Variants in TOX observed in about 807,000 individuals in gnomAD.
TOX encodes thymocyte selection-associated high mobility group box protein TOX.
TOX carries 11 observed loss-of-function variants against 53.7 expected under a neutral mutation model. The ratio of observed to expected loss-of-function variants is 0.20; its 90% CI spans 0.13 to 0.34. TOX has a LOEUF of 0.34. Ranked by LOEUF, TOX falls within the 10% of genes least tolerant of loss-of-function variation. The pLI is 1.00. For missense variants in TOX, 570 were observed against 664.6 expected (o/e 0.86, Z 1.56); for synonymous variants, 225 against 245.3 (o/e 0.92, Z 0.77).
chr8:58,870,307 C>G (rs1483186624), intron 3 of TOX, among the ~76,000 whole-genome samples: 1 of 152,056 alleles, frequency 6.6e-6, no homozygotes, highest in Non-Finnish European at 1.5e-5. Flanking sequence ...TACAACAGCA[C>G]TCCAAAAATG....
At position 58,806,983 on chromosome 8, in the gene TOX, A is replaced by C. The variant is rs142369246; in HGVS notation, c.*764T>G. The C allele has an allele frequency of 5.0e-3, 764 of 152,780 alleles. 4 individuals carry two copies. Among genetic ancestry groups the C allele is most frequent in the Non-Finnish European group, 8.0e-3 (547 of 68,040 alleles). The allele number at this position is 152,780 out of a possible 1,614,324, so 9.5% of individuals were successfully genotyped here. A position where few individuals can be genotyped will look rare whatever the true frequency, so the allele number is the denominator to read the frequency against. The stretch of plus-strand genomic sequence containing the variant: ...GGCAGTTTTATACATAAAAGGACTT[A>C]AATGACATTTACTAACCATTACACA... On this transcript the variant is annotated 3_prime_UTR_variant, in exon 9 of 9. Coordinates refer to ENST00000361421, the MANE Select transcript of TOX (RefSeq NM_014729.3).
At chr8:59,004,611 A>T (rs983793596) in intron 1 of TOX, among the ~76,000 whole-genome samples, 1 of 152,224 alleles carries the variant, frequency 6.6e-6, no homozygotes, top group Non-Finnish European at 1.5e-5. Flanking sequence ...TTTGTGTAGG[A>T]TTCCAGCTTC....
At chr8:58,991,453 T>C (rs1481225808) in intron 1 of TOX, among the ~76,000 whole-genome samples, 3 of 152,230 alleles carry the variant, frequency 2.0e-5, no homozygotes, top group African/African-American at 7.2e-5. Context: ...AGGGAAACTA[T>C]AGTAAGTTCC....
intron 3 of TOX, among the ~76,000 whole-genome samples, chr8:58,865,182 T>C (rs988618329): frequency 2.6e-5 from 4 of 152,128 alleles, no homozygotes; most frequent in African/African-American, 9.7e-5. Flanking sequence ...TTGTAAGCTT[T>C]TAAAATTGTG....
intron 1 of TOX, among the ~76,000 whole-genome samples, chr8:59,040,008 T>A (rs1470748715): frequency 6.6e-6 from 1 of 152,138 alleles, no homozygotes; most frequent in Non-Finnish European, 1.5e-5. Context: ...ATTTCAAATG[T>A]GAAAAATAAT....
intron 1 of TOX, among the ~76,000 whole-genome samples, chr8:59,020,050 T>A (rs1814093834): frequency 6.6e-6 from 1 of 152,212 alleles, no homozygotes. Flanking sequence ...AATTTATGCC[T>A]TGCCTATGAG....
chr8:59,116,706 C>T (rs2129425298), intron 1 of TOX, among the ~76,000 whole-genome samples: 1 of 152,236 alleles, frequency 6.6e-6, no homozygotes, highest in African/African-American at 2.4e-5. Flanking sequence ...AGAAACATGT[C>T]TTATGACTTT....
chr8:59,045,635 C>T (rs1269205085), intron 1 of TOX, among the ~76,000 whole-genome samples: 1 of 152,130 alleles, frequency 6.6e-6, no homozygotes, highest in Non-Finnish European at 1.5e-5. Context: ...AAATGAGTCC[C>T]AACCCATTGG....
intron 4 of TOX, among the ~76,000 whole-genome samples, chr8:58,850,729 G>T (rs189909832): frequency 6.6e-6 from 1 of 152,310 alleles, no homozygotes; most frequent in East Asian, 1.9e-4. Context: ...AGTCAATGCA[G>T]CAATCTTATC....
intron 3 of TOX, among the ~76,000 whole-genome samples, chr8:58,913,684 C>T (rs1310336439): frequency 6.6e-6 from 1 of 151,838 alleles, no homozygotes; most frequent in Non-Finnish European, 1.5e-5. Context: ...TAGCATTATG[C>T]CTTGAAGCTA....
chr8:59,036,271 T>C (rs975275091), intron 1 of TOX, among the ~76,000 whole-genome samples: 2 of 152,132 alleles, frequency 1.3e-5, no homozygotes, highest in Non-Finnish European at 2.9e-5. Context: ...GGAAATGCAG[T>C]ATCTAAAGGC....
At chr8:58,937,376 A>C (rs1001539250) in intron 3 of TOX, among the ~76,000 whole-genome samples, 2 of 152,240 alleles carry the variant, frequency 1.3e-5, no homozygotes, top group Non-Finnish European at 2.9e-5. Flanking sequence ...AGAGAGCATA[A>C]GGAAATTTTA....
chr8:59,067,072 T>C (rs901314681), intron 1 of TOX, among the ~76,000 whole-genome samples: 3 of 152,130 alleles, frequency 2.0e-5, no homozygotes, highest in Non-Finnish European at 2.9e-5. Context: ...AAGCGCCTTT[T>C]CTGCAGACCG....
At chr8:59,094,464 C>T (rs1457547402) in intron 1 of TOX, among the ~76,000 whole-genome samples, 1 of 152,018 alleles carries the variant, frequency 6.6e-6, no homozygotes, top group Non-Finnish European at 1.5e-5. Flanking sequence ...GTAGTGAAAC[C>T]CTGTCTCCAC....
chr8:58,900,983 C>T (rs1285144206), intron 3 of TOX, among the ~76,000 whole-genome samples: 1 of 152,038 alleles, frequency 6.6e-6, no homozygotes, highest in African/African-American at 2.4e-5. Flanking sequence ...AAAGAATCCA[C>T]TATTTTAACC....
At chr8:59,091,623 G>A (rs1804608205) in intron 1 of TOX, among the ~76,000 whole-genome samples, 1 of 152,004 alleles carries the variant, frequency 6.6e-6, no homozygotes, top group South Asian at 2.1e-4. Context: ...CTCTCATTAG[G>A]TTATTATAAG....
chr8:58,971,068 A>G (rs990841222), intron 1 of TOX, among the ~76,000 whole-genome samples: 5 of 152,212 alleles, frequency 3.3e-5, no homozygotes, highest in Non-Finnish European at 7.3e-5. Context: ...TAAAAGCTTC[A>G]TGGTACCAAG....
chr8:59,065,234 C>CA (rs1554543446), intron 1 of TOX, among the ~76,000 whole-genome samples: 1 of 151,910 alleles, frequency 6.6e-6, no homozygotes, highest in South Asian at 2.1e-4. Context: ...ACAACAACAA[C>CA]AAAAAAACCA....
At chr8:58,904,905 GT>G (rs1811787458) in intron 3 of TOX, among the ~76,000 whole-genome samples, 1 of 152,152 alleles carries the variant, frequency 6.6e-6, no homozygotes, top group African/African-American at 2.4e-5. Flanking sequence ...TCTCATTCTT[GT>G]TTGTCCACGA....
Sources: gnomAD v4.1 joint callset for allele counts (sites outside exome capture counted in the v4.1 genomes callset) on GRCh38, gnomAD v4.1.1 for gene constraint, MANE v1.5 for transcripts, NCBI Gene and HGNC (gene_info 2026-07-23, HGNC 2026-07-21) for gene names.